Variants in DLST observed in about 807,000 individuals in gnomAD.
DLST encodes the protein dihydrolipoyllysine-residue succinyltransferase component of 2-oxoglutarate dehydrogenase complex, mitochondrial.
A neutral mutation model predicts 53.1 loss-of-function variants in DLST; 17 were observed. That is an observed-to-expected ratio of 0.32 (90% CI 0.22 to 0.48). The LOEUF (loss-of-function observed/expected upper bound fraction) is 0.48, where lower values mean the gene tolerates loss of function less well. DLST is among the 20% of genes least tolerant of loss of function. The probability of loss-of-function intolerance (pLI) is 0.99; values close to 1 mark genes in which losing one functional copy is unlikely to be tolerated. For missense variants in DLST, 512 were observed against 583.9 expected, an observed-to-expected ratio of 0.88 and a Z score of 1.27; for synonymous variants, 206 against 204.8, an observed-to-expected ratio of 1.01 and a Z score of -0.05.
rs112993874 is a variant in DLST, at chr14:74,891,916, C to T, written c.442+749C>T. 9.0e-3 allele frequency: 8,549 copies of T among 951,126 alleles called. 79 individuals carry two copies. The highest frequency in any genetic ancestry group is 0.038 in the South Asian group (788 of 20,534). The allele number at this position is 951,126 out of a possible 1,614,324, so 58.9% of individuals were successfully genotyped here. A position where few individuals can be genotyped will look rare whatever the true frequency, so the allele number is the denominator to read the frequency against. On this transcript the variant is annotated intron_variant, in intron 7 of 14. Transcript: ENST00000334220. ...TAGAAGGCTGGGAAATAAGGTAGTC[C>T]TCCTGTTGCAGAAGTTTGTCTTAGC... is the stretch of plus-strand genomic sequence containing the variant.
chr14:74,884,905 C>G (rs188041473), intron 2 of DLST, among the ~76,000 whole-genome samples: 278 of 152,236 alleles, frequency 1.8e-3, no homozygotes, highest in Non-Finnish European at 2.5e-3. Context: ...TACTAGTCAT[C>G]AGTTGGGGAA....
intron 10 of DLST, among the ~76,000 whole-genome samples, chr14:74,897,339 A>G (rs1884103604): frequency 6.6e-6 from 1 of 152,224 alleles, no homozygotes; most frequent in Admixed American, 6.5e-5. Flanking sequence ...CATTAGAGGG[A>G]GAAAGGGAGA....
At chr14:74,896,792 T>C (rs1281412416) in intron 10 of DLST, among the ~76,000 whole-genome samples, 1 of 152,234 alleles carries the variant, frequency 6.6e-6, no homozygotes, top group Non-Finnish European at 1.5e-5. Flanking sequence ...ACAAAACATG[T>C]AAATATTTGT....
At chr14:74,899,777 A>T (rs780498262) in intron 11 of DLST, 146 bp from the exon 12 acceptor site, 13 of 603,562 alleles carry the variant, frequency 2.2e-5, no homozygotes, top group Non-Finnish European at 1.5e-5. Context: ...GCCAGCTGCC[A>T]TGCATAATGC....
chr14:74,892,340 C>G lies in DLST; in HGVS notation c.443-494C>G, dbSNP rs377683035. On this transcript the variant is annotated intron_variant, in intron 7 of 14. Coordinates refer to ENST00000334220, the MANE Select transcript of DLST (RefSeq NM_001933.5). ...TTGTGATCCGCCTGCCTTGGCCTCC[C>G]AAGGGGAGTAATCCCTTGGCCTGTA... Among the ~76,000 whole-genome samples, 86 of 152,266 alleles carry G rather than the reference C, an allele frequency of 5.6e-4. No homozygotes were observed. The South Asian group carries it at 0.016, about 29-fold the overall frequency.
At chr14:74,887,387 C>T (rs1161425351) in intron 3 of DLST, among the ~76,000 whole-genome samples, 1 of 152,082 alleles carries the variant, frequency 6.6e-6, no homozygotes, top group Non-Finnish European at 1.5e-5. Context: ...TCATGACTCT[C>T]TACAATAAAT....
chr14:74,890,639 G>T (rs1453318645), intron 6 of DLST, among the ~76,000 whole-genome samples: 1 of 152,184 alleles, frequency 6.6e-6, no homozygotes, highest in African/African-American at 2.4e-5. Context: ...CCCTTGCTCT[G>T]AAATTATGGC....
chr14:74,892,348 G>A (rs902405443), intron 7 of DLST, among the ~76,000 whole-genome samples: 1 of 152,150 alleles, frequency 6.6e-6, no homozygotes, highest in Non-Finnish European at 1.5e-5. Flanking sequence ...CCCAAGGGGA[G>A]TAATCCCTTG....
At chr14:74,888,034 G>T (rs897330107) in intron 3 of DLST, among the ~76,000 whole-genome samples, 1 of 152,192 alleles carries the variant, frequency 6.6e-6, no homozygotes. Flanking sequence ...CATAACCAGA[G>T]ATACCATATA....
At chr14:74,882,321 G>A (rs1883549996) in intron 1 of DLST, among the ~76,000 whole-genome samples, 1 of 152,238 alleles carries the variant, frequency 6.6e-6, no homozygotes, top group Admixed American at 6.5e-5. Context: ...GGGAGGAGGC[G>A]CGGCGGAGTC....
chr14:74,894,422 GTCCCTC>G lies in DLST; in HGVS notation c.770+15_770+20del. 2 of 1,613,674 alleles carry G rather than the reference GTCCCTC, an allele frequency of 1.2e-6. No homozygotes were observed. The highest frequency in any genetic ancestry group is 2.2e-5 in the South Asian group (2 of 91,008). ...AGATTGACATGAGGTAGTGTCTCTAGTCCCTCTTATCCCCTAGGCCCCTTTTTCTTA... is the reference window on the plus strand; with the variant it reads ...AGATTGACATGAGGTAGTGTCTCTAGTTATCCCCTAGGCCCCTTTTTCTTA... On this transcript the variant is annotated intron_variant, in intron 10 of 14. Coordinates refer to ENST00000334220, the MANE Select transcript of DLST (RefSeq NM_001933.5).
At chr14:74,895,201 C>CA (rs1337352216) in intron 10 of DLST, among the ~76,000 whole-genome samples, 3 of 152,140 alleles carry the variant, frequency 2.0e-5, no homozygotes, top group African/African-American at 7.2e-5. Flanking sequence ...GATGAAAAGG[C>CA]AAAGATAGGC....
Position 74,902,990 on chromosome 14 carries a change from A to C in DLST, c.*660A>C, listed in dbSNP as rs1186313164. On this transcript the variant is annotated 3_prime_UTR_variant, in exon 15 of 15. Coordinates refer to ENST00000334220, the MANE Select transcript of DLST (RefSeq NM_001933.5). ...CCTGAGGTCATGCATTGTAATCATC[A>C]TAGAAGGAGAGCCCAGGCCTGCCCT... 1 of 152,642 alleles carries C rather than the reference A, an allele frequency of 6.6e-6. No homozygotes were observed. The highest frequency in any genetic ancestry group is 1.5e-5 in the Non-Finnish European group (1 of 68,070). The allele number at this position is 152,642 out of a possible 1,614,324, so 9.5% of individuals were successfully genotyped here.
chr14:74,895,683 T>C (rs992401079), intron 10 of DLST, among the ~76,000 whole-genome samples: 9 of 152,138 alleles, frequency 5.9e-5, no homozygotes, highest in African/African-American at 1.9e-4. Flanking sequence ...GTGGATCACA[T>C]GAGGCCAGGA....
At chr14:74,884,215 G>A (rs995033152) in intron 2 of DLST, among the ~76,000 whole-genome samples, 2 of 152,242 alleles carry the variant, frequency 1.3e-5, no homozygotes, top group South Asian at 2.1e-4. Context: ...TGTCTGGCAG[G>A]AAAGATAGAG....
rs1328877562 is a variant in DLST, at chr14:74,893,005, CAT to C, written c.595+20_595+21del. ...AAACCTGGTAGGCTTCCAACTCCCA[CAT>C]GTCATGTGGGAGAACATCTCGTCTA... On this transcript the variant is annotated intron_variant, in intron 8 of 14. Transcript: ENST00000334220. The C allele has an allele frequency of 5.0e-6, 8 of 1,606,198 alleles. No individual in the cohort carries two copies. The highest frequency in any genetic ancestry group is 2.7e-5 in the African/African-American group (2 of 74,406).
intron 10 of DLST, among the ~76,000 whole-genome samples, chr14:74,895,757 A>G (rs1373196594): frequency 1.3e-5 from 2 of 152,098 alleles, no homozygotes; most frequent in Non-Finnish European, 2.9e-5. Context: ...AAAATTACCC[A>G]GGCATGGTGG....
intron 9 of DLST, 58 bp from the exon 10 acceptor site, chr14:74,894,254 G>A: frequency 6.3e-7 from 1 of 1,597,882 alleles, no homozygotes; most frequent in South Asian, 1.1e-5. Flanking sequence ...TGACTACACG[G>A]GGAATGCTTG....
intron 8 of DLST, 68 bp downstream of exon 8, chr14:74,893,054 ACT>A (rs58288168): frequency 0.09 from 137,019 of 1,519,536 alleles, 8,875 homozygotes; most frequent in African/African-American, 0.34. Context: ...CAAAGGGTAA[ACT>A]CTAGACTGAT....
Sources: allele counts gnomAD v4.1 joint callset (sites outside exome capture counted in the v4.1 genomes callset), GRCh38; gene constraint gnomAD v4.1.1; transcripts MANE v1.5; gene names NCBI Gene and HGNC (gene_info 2026-07-23, HGNC 2026-07-21).